GLG1: variants seen among roughly 807,000 people sequenced by gnomAD.
GLG1 encodes the protein golgi glycoprotein 1, also known as Golgi apparatus protein 1.
A neutral mutation model predicts 160.5 loss-of-function variants in GLG1; 38 were observed. That is an observed-to-expected ratio of 0.24 (90% CI 0.18 to 0.31). GLG1 has a LOEUF of 0.31. GLG1 is among the 10% of genes least tolerant of loss of function. The pLI, the probability that GLG1 is intolerant of heterozygous loss-of-function variation, is 1.00. For missense variants in GLG1, 1,373 were observed against 1,505.2 expected (o/e 0.91, Z 1.45); for synonymous variants, 644 against 543.4 (o/e 1.19, Z -2.57).
intron 2 of GLG1, among the ~76,000 whole-genome samples, chr16:74,527,143 T>C (rs1254070685): frequency 6.6e-6 from 1 of 152,168 alleles, no homozygotes; most frequent in Non-Finnish European, 1.5e-5. Context: ...AGTAAAATTA[T>C]ATTTTTATTC....
At chr16:74,462,995 G>T in intron 20 of GLG1, 1 of 410,270 alleles carries the variant, frequency 2.4e-6, no homozygotes, top group Non-Finnish European at 4.3e-6. Context: ...ATTAACTTAC[G>T]AGGTCTTCCA....
intron 2 of GLG1, among the ~76,000 whole-genome samples, chr16:74,531,823 G>C (rs1172248779): frequency 1.3e-5 from 2 of 152,150 alleles, no homozygotes; most frequent in African/African-American, 2.4e-5. Context: ...AAGTAAATGA[G>C]AAAACTTTAA....
intron 13 of GLG1, 138 bp downstream of exon 13, chr16:74,474,408 C>T (rs2143270656): frequency 3.1e-6 from 2 of 644,250 alleles, no homozygotes; most frequent in East Asian, 5.1e-5. Context: ...ATAAAGCAAA[C>T]ATGGAAAATT....
chr16:74,469,817 C>G (rs1159680274), intron 16 of GLG1, 168 bp downstream of exon 16: 5 of 606,628 alleles, frequency 8.2e-6, no homozygotes, highest in Non-Finnish European at 1.5e-5. Flanking sequence ...GCCAGATGCT[C>G]TGTCCAGACA....
intron 8 of GLG1, among the ~76,000 whole-genome samples, chr16:74,490,602 C>T (rs966155508): frequency 2.6e-5 from 4 of 152,160 alleles, no homozygotes; most frequent in African/African-American, 9.7e-5. Flanking sequence ...AACTCTTTTT[C>T]AGCCTCAACT....
In GLG1 at chr16:74,464,854, CT is replaced by C. The variant is rs1353643904; in HGVS notation, c.2667+821del. Among the ~76,000 whole-genome samples, 5 of 151,024 alleles carry C rather than the reference CT, an allele frequency of 3.3e-5. No homozygotes were observed. In the South Asian group the frequency reaches 6.3e-4, roughly 19 times the overall value. On this transcript the variant is annotated intron_variant, in intron 19 of 25. Transcript: ENST00000422840. ...TAAGTTTAAAAAAAATTTTTTTTTT[CT>C]TTTTTGAGACAGAGTCTTACTCTGT...
chr16:74,454,677 A>C (rs1339904905), intron 25 of GLG1, among the ~76,000 whole-genome samples: 5 of 138,112 alleles, frequency 3.6e-5, no homozygotes, highest in Non-Finnish European at 4.6e-5. Flanking sequence ...AAAAAAAAAA[A>C]AAAAAAAAAA....
intron 3 of GLG1, among the ~76,000 whole-genome samples, chr16:74,505,280 A>C (rs1424288920): frequency 6.6e-6 from 1 of 152,210 alleles, no homozygotes; most frequent in Non-Finnish European, 1.5e-5. Context: ...TTCAGAAAAG[A>C]AAGTTGTGTT....
chr16:74,539,263 C>T (rs1361176970), intron 1 of GLG1, among the ~76,000 whole-genome samples: 1 of 150,756 alleles, frequency 6.6e-6, no homozygotes, highest in Admixed American at 6.6e-5. Context: ...TTGTGTGCTT[C>T]CCAAGTGGAC....
chr16:74,494,123 C>T (rs965898706), intron 6 of GLG1, among the ~76,000 whole-genome samples: 1 of 150,976 alleles, frequency 6.6e-6, no homozygotes, highest in East Asian at 2.0e-4. Flanking sequence ...TACAGTGAGC[C>T]GAATCATGCC....
chr16:74,523,423 T>A (rs1320555704), intron 2 of GLG1, among the ~76,000 whole-genome samples: 1 of 152,176 alleles, frequency 6.6e-6, no homozygotes. Flanking sequence ...TCGCTTTGGC[T>A]GTTACAGGTA....
At chr16:74,564,390 A>G (rs941977971) in intron 1 of GLG1, among the ~76,000 whole-genome samples, 2 of 152,206 alleles carry the variant, frequency 1.3e-5, no homozygotes, top group African/African-American at 4.8e-5. Flanking sequence ...CTGGCTAAGG[A>G]GCATACTCCA....
chr16:74,477,977 A>AAAATAAAT (rs140504819), intron 11 of GLG1, among the ~76,000 whole-genome samples: 2,327 of 140,110 alleles, frequency 0.017, 45 homozygotes, highest in African/African-American at 0.023. Context: ...CCGTCTCAAA[A>AAAATAAAT]AAATAAATAA....
chr16:74,529,905 C>G (rs1294960973), intron 2 of GLG1, among the ~76,000 whole-genome samples: 1 of 150,302 alleles, frequency 6.7e-6, no homozygotes, highest in Non-Finnish European at 1.5e-5. Context: ...TCTATCTCCC[C>G]GGTTCAAGCG....
chr16:74,576,818 T>C (rs1257927439), intron 1 of GLG1, among the ~76,000 whole-genome samples: 1 of 152,216 alleles, frequency 6.6e-6, no homozygotes, highest in East Asian at 1.9e-4. Context: ...GAGTATACTT[T>C]CTTTACTCAT....
intron 18 of GLG1, 125 bp from the exon 19 acceptor site, chr16:74,465,938 C>T (rs1057287515): frequency 3.1e-5 from 26 of 837,630 alleles, no homozygotes; most frequent in Middle Eastern, 2.3e-4. Flanking sequence ...CCCAGGCAAT[C>T]GGAATCAGGA....
At chr16:74,587,861 G>T (rs190004723) in intron 1 of GLG1, among the ~76,000 whole-genome samples, 1 of 151,466 alleles carries the variant, frequency 6.6e-6, no homozygotes, top group East Asian at 1.9e-4. Context: ...CTTCAAAAAA[G>T]AAAAAAACAG....
intron 1 of GLG1, among the ~76,000 whole-genome samples, chr16:74,544,657 C>T (rs1198938705): frequency 3.3e-5 from 5 of 152,182 alleles, no homozygotes; most frequent in Admixed American, 3.3e-4. Flanking sequence ...CGTGCCACCA[C>T]GCCCAGCTAA....
At chr16:74,463,021 G>A (rs994339018) in intron 20 of GLG1, 3 of 418,422 alleles carry the variant, frequency 7.2e-6, no homozygotes, top group Non-Finnish European at 8.5e-6. Context: ...GAGGTGAAAT[G>A]TTTCTGTTCC....
Sources: allele counts gnomAD v4.1 joint callset (sites outside exome capture counted in the v4.1 genomes callset), GRCh38; gene constraint gnomAD v4.1.1; transcripts MANE v1.5; gene names NCBI Gene and HGNC (gene_info 2026-07-23, HGNC 2026-07-21).